Variants in MAML3 observed in about 807,000 individuals in gnomAD.
The protein encoded by MAML3 is mastermind-like protein 3.
In MAML3, 27 loss-of-function variants were observed where a neutral mutation model predicts 101.9. The observed-to-expected ratio is 0.27, with a 90% CI of 0.20 to 0.37. MAML3 has a LOEUF of 0.37. Ranked by LOEUF, MAML3 falls within the 10% of genes least tolerant of loss-of-function variation. The pLI is 1.00. For missense variants in MAML3, 1,316 were observed against 1,444.9 expected (o/e 0.91, Z 1.45); for synonymous variants, 501 against 555.9 (o/e 0.90, Z 1.39).
intron 1 of MAML3, among the ~76,000 whole-genome samples, chr4:140,060,365 C>CAGAAAAAAAAAAAAAAAAAAAAAAA (rs1727424140): frequency 5.2e-5 from 1 of 19,126 alleles, no homozygotes; most frequent in Non-Finnish European, 9.3e-5. Context: ...GACTCTGTCT[C>CAGAAAAAAAAAAAAAAAAAAAAAAA]AAAAAAAAAA....
chr4:139,785,388 G>A lies in MAML3; in HGVS notation c.2080-54721C>T, dbSNP rs1187374028. 6.6e-6 allele frequency among the ~76,000 whole-genome samples: 1 copy of A among 152,230 alleles called. No individual in the cohort carries two copies. The highest frequency in any genetic ancestry group is 2.4e-5 in the African/African-American group (1 of 41,466). Reference sequence around the variant, plus strand: ...AGCTGTATTCCTAATTCCCCTGGAAGGGCTGTGAAGGAGGAATATAATGGT... The same window carrying A: ...AGCTGTATTCCTAATTCCCCTGGAAAGGCTGTGAAGGAGGAATATAATGGT... On this transcript the variant is annotated intron_variant, in intron 2 of 4. Transcript: ENST00000509479. The surrounding 1 kb of genome is among the most constrained non-coding windows in gnomAD (Gnocchi z 4.3).
intron 1 of MAML3, among the ~76,000 whole-genome samples, chr4:140,145,103 C>T (rs1441509357): frequency 2.6e-5 from 4 of 152,188 alleles, no homozygotes; most frequent in African/African-American, 9.7e-5. Context: ...TCGGCCTTTT[C>T]CTTTGAAGAG....
At chr4:139,787,495 A>T (rs2111086853) in intron 2 of MAML3, among the ~76,000 whole-genome samples, 1 of 152,320 alleles carries the variant, frequency 6.6e-6, no homozygotes, top group Non-Finnish European at 1.5e-5. Context: ...AAGCTTATAT[A>T]AATCCCAAGT....
chr4:139,807,599 A>C (rs918833011), intron 2 of MAML3, among the ~76,000 whole-genome samples: 1 of 152,304 alleles, frequency 6.6e-6, no homozygotes, highest in Admixed American at 6.5e-5. Flanking sequence ...AAGGGAGCAT[A>C]CACGTACCCT....
At chr4:139,964,658 C>A in intron 1 of MAML3, among the ~76,000 whole-genome samples, 1 of 152,040 alleles carries the variant, frequency 6.6e-6, no homozygotes, top group East Asian at 1.9e-4. Context: ...AGGTTTTTTA[C>A]TCCTTTATAC....
chr4:139,734,780 GT>G (rs1479178412), intron 2 of MAML3, among the ~76,000 whole-genome samples: 1 of 152,288 alleles, frequency 6.6e-6, no homozygotes, highest in Non-Finnish European at 1.5e-5. Flanking sequence ...CATGCATAGT[GT>G]TTGGGTGAGA....
chr4:140,122,239 T>A lies in MAML3; in HGVS notation c.468+30621A>T, dbSNP rs867460202. On this transcript the variant is annotated intron_variant, in intron 1 of 4. Transcript: ENST00000509479. ...ACGAGACTTTTTTTTTTTTTTTTTTTAAACAGAGTTTCGCTTTTGTCCCCC... is the reference window on the plus strand; with the variant it reads ...ACGAGACTTTTTTTTTTTTTTTTTTAAAACAGAGTTTCGCTTTTGTCCCCC... 5.7e-3 allele frequency among the ~76,000 whole-genome samples: 855 copies of A among 150,256 alleles called. 13 individuals are homozygous for A. The highest frequency in any genetic ancestry group is 0.02 in the African/African-American group (807 of 40,848).
intron 4 of MAML3, among the ~76,000 whole-genome samples, chr4:139,723,707 T>C (rs988606092): frequency 3.3e-5 from 5 of 152,138 alleles, no homozygotes; most frequent in African/African-American, 9.7e-5. Flanking sequence ...ATTCCCCTTT[T>C]CCCCCACAAA....
At chr4:140,106,111 TCAAGAAA>T (rs1728347661) in intron 1 of MAML3, among the ~76,000 whole-genome samples, 1 of 61,404 alleles carries the variant, frequency 1.6e-5, no homozygotes, top group African/African-American at 5.5e-5. Context: ...AAAACTGACT[TCAAGAAA>T]AAAAAAAAAA....
At chr4:139,771,965 C>G (rs535925127) in intron 2 of MAML3, among the ~76,000 whole-genome samples, 3 of 148,092 alleles carry the variant, frequency 2.0e-5, no homozygotes, top group Non-Finnish European at 4.5e-5. Context: ...AAAGTCCGGG[C>G]GCGGTGGCTC....
chr4:140,006,801 A>C (rs188675994), intron 1 of MAML3, among the ~76,000 whole-genome samples: 1 of 152,282 alleles, frequency 6.6e-6, no homozygotes, highest in East Asian at 1.9e-4. Flanking sequence ...TAAAAATAAT[A>C]AAAGCTAATA....
intron 1 of MAML3, among the ~76,000 whole-genome samples, chr4:140,125,279 T>C (rs1728666597): frequency 6.6e-6 from 1 of 152,000 alleles, no homozygotes; most frequent in South Asian, 2.1e-4. Flanking sequence ...AAAAAGTAAT[T>C]TATTGGAGCC....
At position 140,069,410 on chromosome 4, in the gene MAML3, GGAGGAGGAGGGGAAGGAGGA is replaced by G. The variant is rs1560883583; in HGVS notation, c.468+83430_468+83449del. On this transcript the variant is annotated intron_variant, in intron 1 of 4. Transcript: ENST00000509479. Reference sequence around the variant, plus strand: ...AGGAGGAGGAGGAGGAGGAGGAGGAGGAGGAGGAGGGGAAGGAGGAGAAGGAGGAGAAGGAGGAGAAGGAG... The same window carrying G: ...AGGAGGAGGAGGAGGAGGAGGAGGAGGAAGGAGGAGAAGGAGGAGAAGGAG... 1.5e-3 allele frequency among the ~76,000 whole-genome samples: 163 copies of G among 106,644 alleles called. 8 individuals carry two copies. The highest frequency in any genetic ancestry group is 6.5e-3 in the African/African-American group (154 of 23,556). 70.0% of individuals were successfully genotyped at this position (106,644 alleles called of 152,430 possible). A position where few individuals can be genotyped will look rare whatever the true frequency, so the allele number is the denominator to read the frequency against.
chr4:140,005,213 G>C (rs956005356), intron 1 of MAML3, among the ~76,000 whole-genome samples: 2 of 152,182 alleles, frequency 1.3e-5, no homozygotes, highest in Non-Finnish European at 2.9e-5. Flanking sequence ...CTCTTTCCCA[G>C]AAACTATCTG....
At chr4:139,762,698 C>T (rs1729781168) in intron 2 of MAML3, among the ~76,000 whole-genome samples, 1 of 152,160 alleles carries the variant, frequency 6.6e-6, no homozygotes, top group Non-Finnish European at 1.5e-5. Flanking sequence ...TCACATGAGG[C>T]TCCATCGCTA....
At chr4:139,830,711 G>A (rs1198216835) in intron 2 of MAML3, among the ~76,000 whole-genome samples, 3 of 151,980 alleles carry the variant, frequency 2.0e-5, no homozygotes, top group Non-Finnish European at 4.4e-5. Flanking sequence ...ACTGCGCCTG[G>A]CCTACACTGT....
In MAML3 at chr4:139,889,711, C is replaced by T; in HGVS notation, c.1725G>A (p.Met575Ile). 1 of 1,613,968 alleles carries T rather than the reference C, an allele frequency of 6.2e-7. No individual in the cohort carries two copies. Among genetic ancestry groups the T allele is most frequent in the African/African-American group, 1.3e-5 (1 of 75,030 alleles). Reference sequence around the variant, plus strand: ...TATTTGGCTGCTGATTGATCATATTCATGTGATTCTGAGGGAGGTAGTTAT... The same window carrying T: ...TATTTGGCTGCTGATTGATCATATTTATGTGATTCTGAGGGAGGTAGTTAT... ...TMNNYLPQNH[M>I]NMINQQPNNL... The change falls in exon 2 of 5, where the codon ATG becomes ATA. Residue 575 changes from methionine (M) to isoleucine (I), a missense_variant. Met to Ile is a conservative substitution (Grantham distance 10). Coordinates refer to ENST00000509479, the MANE Select transcript of MAML3 (RefSeq NM_018717.5).
chr4:139,756,800 A>G (rs1462063971), intron 2 of MAML3, among the ~76,000 whole-genome samples: 4 of 152,210 alleles, frequency 2.6e-5, no homozygotes, highest in African/African-American at 7.2e-5. Context: ...GAACTAAAGT[A>G]AGAATAATTA....
At chr4:139,801,775 G>A (rs1730613960) in intron 2 of MAML3, among the ~76,000 whole-genome samples, 1 of 152,068 alleles carries the variant, frequency 6.6e-6, no homozygotes, top group South Asian at 2.1e-4. Flanking sequence ...CTTAGGATCA[G>A]CAGCAGACAG....
Sources: allele counts gnomAD v4.1 joint callset (sites outside exome capture counted in the v4.1 genomes callset), GRCh38; gene constraint gnomAD v4.1.1; non-coding constraint Gnocchi (gnomAD v3.1); transcripts MANE v1.5; gene names NCBI Gene and HGNC (gene_info 2026-07-23, HGNC 2026-07-21).